Variants in AGAP1 observed in about 807,000 individuals in gnomAD.
AGAP1 encodes the protein ArfGAP with GTPase domain, ankyrin repeat and PH domain 1.
In AGAP1, 29 loss-of-function variants were observed where a neutral mutation model predicts 105.3. That is an observed-to-expected ratio of 0.28 (90% CI 0.21 to 0.38). The LOEUF is 0.38. Among genes scored for constraint, AGAP1 ranks in the 10% least tolerant of loss-of-function variants. The pLI is 1.00. For missense variants in AGAP1, 998 were observed against 1,165.1 expected (o/e 0.86, Z 2.09); for synonymous variants, 509 against 485.9 (o/e 1.05, Z -0.63).
At chr2:235,764,000 TCCGTGCGTGGCTGTGAC>T (rs796384703) in intron 6 of AGAP1, among the ~76,000 whole-genome samples, 5 of 150,178 alleles carry the variant, frequency 3.3e-5, no homozygotes, top group Non-Finnish European at 7.4e-5. Context: ...GTGGCTGTGA[TCCGTGCGTGGCTGTGAC>T]CCGTGCGTGG....
chr2:235,547,551 G>A (rs952921234), intron 1 of AGAP1, among the ~76,000 whole-genome samples: 1 of 152,150 alleles, frequency 6.6e-6, no homozygotes, highest in Admixed American at 6.5e-5. Flanking sequence ...TAAAGATGGG[G>A]TTTCACCATA....
chr2:235,995,579 T>G (rs936444686), intron 13 of AGAP1, among the ~76,000 whole-genome samples: 2 of 152,164 alleles, frequency 1.3e-5, no homozygotes, highest in African/African-American at 4.8e-5. Context: ...GCATCATAGA[T>G]GGCAGGCACA....
At chr2:236,047,172 G>A (rs886260312) in intron 15 of AGAP1, among the ~76,000 whole-genome samples, 6 of 152,224 alleles carry the variant, frequency 3.9e-5, no homozygotes, top group African/African-American at 9.6e-5. Context: ...ACAAGAGGCC[G>A]AGTGAAACGT....
intron 9 of AGAP1, among the ~76,000 whole-genome samples, chr2:235,840,768 G>GT (rs11373301): frequency 0.66 from 97,056 of 146,580 alleles, 33,391 homozygotes; most frequent in East Asian, 0.93. Flanking sequence ...AGAAAGAAGA[G>GT]TTTTTTTTTT....
In AGAP1 at chr2:235,855,493, G is replaced by A. The variant is rs554250897; in HGVS notation, c.1051-27852G>A. On this transcript the variant is annotated intron_variant, in intron 9 of 17. Coordinates refer to ENST00000304032, the MANE Select transcript of AGAP1 (RefSeq NM_001037131.3). This position sits in a 1 kb window ranked among gnomAD's most constrained non-coding sequence, Gnocchi z 5.0. ...CAAACCAAATTCTAAACTGTGTTAC[G>A]TTCAGTATGTTTTTGAAGTCATAAA... Among the ~76,000 whole-genome samples, 2 of 152,248 alleles carry A rather than the reference G, an allele frequency of 1.3e-5. No individual in the cohort carries two copies. Among genetic ancestry groups the A allele is most frequent in the African/African-American group, 2.4e-5 (1 of 41,536 alleles).
At chr2:235,996,446 A>G (rs2055819593) in intron 13 of AGAP1, among the ~76,000 whole-genome samples, 3 of 152,264 alleles carry the variant, frequency 2.0e-5, no homozygotes, top group Admixed American at 1.3e-4. Context: ...ACAGGTGAGC[A>G]TTATTCTATT....
In AGAP1 at chr2:235,663,637, T is replaced by C. The variant is rs1163332625; in HGVS notation, c.164-45542T>C. Among the ~76,000 whole-genome samples, 1 of 152,152 alleles carries C rather than the reference T, an allele frequency of 6.6e-6. No homozygotes were observed. Among genetic ancestry groups the C allele is most frequent in the Non-Finnish European group, 1.5e-5 (1 of 68,038 alleles). Reference sequence around the variant, plus strand: ...TGTAAGTCATGGATTTTCTAAATCTTTGAGGTTAGTGGATCTAAAGAAAAG... The same window carrying C: ...TGTAAGTCATGGATTTTCTAAATCTCTGAGGTTAGTGGATCTAAAGAAAAG... On this transcript the variant is annotated intron_variant, in intron 1 of 17. Transcript: ENST00000304032. This position sits in a 1 kb window ranked among gnomAD's most constrained non-coding sequence, Gnocchi z 5.4.
At chr2:235,811,328 C>T (rs559982482) in intron 9 of AGAP1, among the ~76,000 whole-genome samples, 1 of 152,316 alleles carries the variant, frequency 6.6e-6, no homozygotes, top group South Asian at 2.1e-4. Flanking sequence ...TGGTAGCGTA[C>T]GCTAGAAGGA....
chr2:235,530,795 T>C (rs1405538440), intron 1 of AGAP1, among the ~76,000 whole-genome samples: 2 of 152,224 alleles, frequency 1.3e-5, no homozygotes, highest in Non-Finnish European at 2.9e-5. Context: ...CTCTTTATCA[T>C]GTAAAGTCAC....
In AGAP1 at chr2:235,927,330, G is replaced by A. The variant is rs1371856733; in HGVS notation, c.1325-3435G>A. 6.6e-6 allele frequency among the ~76,000 whole-genome samples: 1 copy of A among 152,174 alleles called. No homozygotes were observed. Among genetic ancestry groups the A allele is most frequent in the East Asian group, 1.9e-4 (1 of 5,196 alleles). On this transcript the variant is annotated intron_variant, in intron 11 of 17. Coordinates refer to ENST00000304032, the MANE Select transcript of AGAP1 (RefSeq NM_001037131.3). The surrounding 1 kb of genome is among the most constrained non-coding windows in gnomAD (Gnocchi z 4.4). ...GGTTCCTTGGGGACTCTCTCAGGAGGCAGAAGGTGGGCTCTGAGCCACACC... is the reference window on the plus strand; with the variant it reads ...GGTTCCTTGGGGACTCTCTCAGGAGACAGAAGGTGGGCTCTGAGCCACACC...
At chr2:235,645,114 T>A (rs536812886) in intron 1 of AGAP1, among the ~76,000 whole-genome samples, 69 of 152,268 alleles carry the variant, frequency 4.5e-4, no homozygotes, top group African/African-American at 1.6e-3. Flanking sequence ...CAGGCTGGTC[T>A]AGAATTCCTG....
chr2:235,938,038 G>C (rs1166693739), intron 12 of AGAP1, among the ~76,000 whole-genome samples: 1 of 152,272 alleles, frequency 6.6e-6, no homozygotes, highest in Non-Finnish European at 1.5e-5. Context: ...CCAACCCAGA[G>C]CAGTGCCTGA....
chr2:235,752,828 C>G lies in AGAP1; in HGVS notation c.673+2340C>G, dbSNP rs1953563802. On this transcript the variant is annotated intron_variant, in intron 6 of 17. Transcript: ENST00000304032. The surrounding 1 kb of genome is among the most constrained non-coding windows in gnomAD (Gnocchi z 4.3). ...ATGATGCTGCCTTCCTGCCAAACAG[C>G]CTTTGTACGTTCTGGCTGCTCTAAC... Among the ~76,000 whole-genome samples, 1 of 152,190 alleles carries G rather than the reference C, an allele frequency of 6.6e-6. No homozygotes were observed. The highest frequency in any genetic ancestry group is 2.1e-4 in the South Asian group (1 of 4,826).
intron 1 of AGAP1, among the ~76,000 whole-genome samples, chr2:235,544,259 G>A (rs1943550779): frequency 1.3e-5 from 2 of 152,158 alleles, no homozygotes; most frequent in African/African-American, 4.8e-5. Flanking sequence ...CTGGTCAGGC[G>A]GTGTGGCAGG....
chr2:235,788,832 A>G lies in AGAP1; in HGVS notation c.674-8927A>G, dbSNP rs74813103. ...ACAAAACCAGCTGCGGGGCCACACC[A>G]CGTTAGGGTGCTTTTCGGCATCTCT... On this transcript the variant is annotated intron_variant, in intron 6 of 17. Coordinates refer to ENST00000304032, the MANE Select transcript of AGAP1 (RefSeq NM_001037131.3). The surrounding 1 kb of genome is among the most constrained non-coding windows in gnomAD (Gnocchi z 6.0). 0.026 allele frequency among the ~76,000 whole-genome samples: 3,937 copies of G among 152,192 alleles called. 80 individuals carry two copies. Among genetic ancestry groups the G allele is most frequent in the Non-Finnish European group, 0.037 (2,511 of 68,008 alleles).
intron 3 of AGAP1, among the ~76,000 whole-genome samples, chr2:235,722,611 A>G (rs1951443468): frequency 1.3e-5 from 2 of 152,172 alleles, no homozygotes; most frequent in South Asian, 4.1e-4. Flanking sequence ...GACACCAGCC[A>G]TTGGATTTAG....
rs1200312797 is a variant in AGAP1 at position 235,875,124 on chromosome 2, T to A, written c.1051-8221T>A. Among the ~76,000 whole-genome samples, 1 of 152,166 alleles carries A rather than the reference T, an allele frequency of 6.6e-6. No individual in the cohort carries two copies. Among genetic ancestry groups the A allele is most frequent in the Non-Finnish European group, 1.5e-5 (1 of 68,030 alleles). ...TCACCCCCTCTCCCCCATCTGCCCT[T>A]GCTGCAAGGAGGAGGTCAGCCTTGT... On this transcript the variant is annotated intron_variant, in intron 9 of 17. Coordinates refer to ENST00000304032, the MANE Select transcript of AGAP1 (RefSeq NM_001037131.3). The surrounding 1 kb of genome is among the most constrained non-coding windows in gnomAD (Gnocchi z 4.0).
rs2106414964 is a variant in AGAP1 at position 235,845,092 on chromosome 2, A to G, written c.1050+37761A>G. 6.6e-6 allele frequency among the ~76,000 whole-genome samples: 1 copy of G among 152,284 alleles called. No homozygotes were observed. The highest frequency in any genetic ancestry group is 1.5e-5 in the Non-Finnish European group (1 of 68,024). On this transcript the variant is annotated intron_variant, in intron 9 of 17. Transcript: ENST00000304032. This position sits in a 1 kb window ranked among gnomAD's most constrained non-coding sequence, Gnocchi z 4.8. ...TGAACAGTCAACAAGGCAGCCTCCT[A>G]ACAAGTCCTGTGTCATCCTGTTTAG...
chr2:235,683,609 A>C (rs891633494), intron 1 of AGAP1, among the ~76,000 whole-genome samples: 3 of 151,766 alleles, frequency 2.0e-5, no homozygotes, highest in African/African-American at 4.8e-5. Flanking sequence ...AAAGGTGAAG[A>C]AGCTCTGGAT....
Sources: gnomAD v4.1 joint callset for allele counts (sites outside exome capture counted in the v4.1 genomes callset) on GRCh38, gnomAD v4.1.1 for gene constraint, Gnocchi (gnomAD v3.1) non-coding constraint, MANE v1.5 for transcripts, NCBI Gene and HGNC (gene_info 2026-07-23, HGNC 2026-07-21) for gene names.